PRKG1: variants seen among roughly 807,000 people sequenced by gnomAD.
PRKG1 encodes the protein cGMP-dependent protein kinase 1.
Under a neutral mutation model 88.1 loss-of-function variants are expected in PRKG1, and 35 were observed. That is an observed-to-expected ratio of 0.40 (90% CI 0.30 to 0.53). The LOEUF is 0.53. PRKG1 is among the 20% of genes least tolerant of loss of function. The pLI, the probability that PRKG1 is intolerant of heterozygous loss-of-function variation, is 0.59. For missense variants in PRKG1, 540 were observed against 839.8 expected (o/e 0.64, Z 4.41); for synonymous variants, 303 against 292.5 (o/e 1.04, Z -0.37).
intron 1 of PRKG1, 36 bp from the exon 2 acceptor site, chr10:51,153,128 C>G (rs377011548): frequency 1.3e-6 from 2 of 1,594,308 alleles, no homozygotes; most frequent in Non-Finnish European, 1.7e-6. Context: ...AAGAGCTTGT[C>G]AGATGTGCCA....
intron 1 of PRKG1, among the ~76,000 whole-genome samples, chr10:51,115,740 G>A (rs551723209): frequency 6.6e-6 from 1 of 151,810 alleles, no homozygotes; most frequent in African/African-American, 2.4e-5. Flanking sequence ...GGGACGCTGA[G>A]GGGGGAGAAT....
At chr10:52,096,185 C>T (rs537201594) in intron 7 of PRKG1, among the ~76,000 whole-genome samples, 1 of 152,308 alleles carries the variant, frequency 6.6e-6, no homozygotes, top group African/African-American at 2.4e-5. Flanking sequence ...AAGAATTCCT[C>T]TTTAAACAAA....
intron 3 of PRKG1, among the ~76,000 whole-genome samples, chr10:51,672,888 T>A (rs1009133961): frequency 3.3e-5 from 5 of 152,234 alleles, no homozygotes; most frequent in African/African-American, 1.2e-4. Flanking sequence ...TTGATGATCT[T>A]ATAAGTTTTC....
At chr10:51,493,212 A>C (rs1840755546) in intron 3 of PRKG1, among the ~76,000 whole-genome samples, 1 of 152,174 alleles carries the variant, frequency 6.6e-6, no homozygotes, top group Admixed American at 6.5e-5. Context: ...TTACTCCAAA[A>C]AAGGATTAGC....
At chr10:51,572,509 A>G (rs1046996789) in intron 3 of PRKG1, among the ~76,000 whole-genome samples, 1 of 151,882 alleles carries the variant, frequency 6.6e-6, no homozygotes, top group East Asian at 1.9e-4. Context: ...ATCCAGGTCA[A>G]TATCCCTATT....
intron 3 of PRKG1, among the ~76,000 whole-genome samples, chr10:51,520,659 A>G (rs1841712275): frequency 6.6e-6 from 1 of 152,206 alleles, no homozygotes; most frequent in South Asian, 2.1e-4. Context: ...CCTGGTATCC[A>G]AAGAAAAGAA....
chr10:51,704,410 G>C (rs988197825), intron 3 of PRKG1, among the ~76,000 whole-genome samples: 4 of 152,158 alleles, frequency 2.6e-5, no homozygotes, highest in African/African-American at 9.7e-5. Flanking sequence ...ATTTTACCAA[G>C]GACGGAGCCT....
chr10:50,991,546 C>T lies in PRKG1; in HGVS notation c.168C>T (p.Pro56=). The change falls in exon 1 of 18, where the codon CCC becomes CCT. Residue 56 remains proline, a synonymous_variant. Transcript: ENST00000401604. The surrounding 1 kb of genome is among the most constrained non-coding windows in gnomAD (Gnocchi z 4.5). ...CAGTGCCCTCGACCCACATCGGCCC[C>T]CGGACCACCCGGGCGCAGGGCATCT... is the stretch of plus-strand genomic sequence containing the variant. 1 of 1,609,518 alleles carries T rather than the reference C, an allele frequency of 6.2e-7. No homozygotes were observed. The highest frequency in any genetic ancestry group is 8.5e-7 in the Non-Finnish European group (1 of 1,178,468).
chr10:51,249,927 C>A (rs1275716512), intron 2 of PRKG1, among the ~76,000 whole-genome samples: 1 of 151,700 alleles, frequency 6.6e-6, no homozygotes, highest in Non-Finnish European at 1.5e-5. Context: ...CCTTTAAAAG[C>A]GTAAGTAATA....
intron 5 of PRKG1, among the ~76,000 whole-genome samples, chr10:51,916,840 T>G (rs1842351192): frequency 6.6e-6 from 1 of 152,206 alleles, no homozygotes; most frequent in Non-Finnish European, 1.5e-5. Flanking sequence ...TACTTGACTT[T>G]AAAATGGGTG....
intron 2 of PRKG1, among the ~76,000 whole-genome samples, chr10:51,459,431 C>T (rs1017403330): frequency 1.3e-5 from 2 of 151,986 alleles, no homozygotes; most frequent in Non-Finnish European, 2.9e-5. Flanking sequence ...TGCTCTTTTT[C>T]CCTTCTAAAT....
chr10:52,040,416 A>C (rs181272031), intron 5 of PRKG1, among the ~76,000 whole-genome samples: 49 of 152,330 alleles, frequency 3.2e-4, no homozygotes, highest in Middle Eastern at 3.4e-3. Context: ...TGTAAATCAA[A>C]TTGTTAAATT....
intron 1 of PRKG1, among the ~76,000 whole-genome samples, chr10:51,023,642 A>G (rs1843167271): frequency 6.6e-6 from 1 of 152,222 alleles, no homozygotes; most frequent in Admixed American, 6.5e-5. Flanking sequence ...AATCACTTAA[A>G]GCACACAAAA....
At chr10:51,190,469 A>G (rs1197931156) in intron 2 of PRKG1, among the ~76,000 whole-genome samples, 1 of 151,882 alleles carries the variant, frequency 6.6e-6, no homozygotes, top group Non-Finnish European at 1.5e-5. Context: ...CAAACATAGT[A>G]TGGACTAAAT....
intron 3 of PRKG1, among the ~76,000 whole-genome samples, chr10:51,603,072 C>A (rs149180800): frequency 0.02 from 3,017 of 152,126 alleles, 40 homozygotes; most frequent in Non-Finnish European, 0.028. Flanking sequence ...ATTCTCCTGC[C>A]TCAACCTCCT....
At chr10:51,197,110 T>G (rs552431475) in intron 2 of PRKG1, among the ~76,000 whole-genome samples, 4 of 152,208 alleles carry the variant, frequency 2.6e-5, no homozygotes, top group Admixed American at 6.5e-5. Context: ...TTTAAGTGAC[T>G]TACCCATTTA....
At chr10:51,503,417 G>C (rs1478166069) in intron 3 of PRKG1, among the ~76,000 whole-genome samples, 1 of 152,164 alleles carries the variant, frequency 6.6e-6, no homozygotes, top group African/African-American at 2.4e-5. Flanking sequence ...CATTGTTTGG[G>C]TGTTTTGTGT....
At chr10:51,829,215 A>G (rs528255358) in intron 4 of PRKG1, among the ~76,000 whole-genome samples, 2 of 152,352 alleles carry the variant, frequency 1.3e-5, no homozygotes, top group South Asian at 4.1e-4. Context: ...ATGATGCAAG[A>G]CAGATCTGAG....
intron 3 of PRKG1, among the ~76,000 whole-genome samples, chr10:51,643,755 T>C (rs1669422396): frequency 6.6e-6 from 1 of 152,144 alleles, no homozygotes; most frequent in East Asian, 1.9e-4. Context: ...TCTCTAGTAC[T>C]TCTAATGCTG....
Sources: gnomAD v4.1 joint callset for allele counts (sites outside exome capture counted in the v4.1 genomes callset) on GRCh38, gnomAD v4.1.1 for gene constraint, Gnocchi (gnomAD v3.1) non-coding constraint, MANE v1.5 for transcripts, NCBI Gene and HGNC (gene_info 2026-07-23, HGNC 2026-07-21) for gene names.